Variants in SMURF2 observed in about 807,000 individuals in gnomAD.
SMURF2 encodes the protein E3 ubiquitin-protein ligase SMURF2.
In SMURF2, 48 loss-of-function variants were observed where a neutral mutation model predicts 109.6. That is an observed-to-expected ratio of 0.44 (90% CI 0.35 to 0.56). SMURF2 has a LOEUF of 0.56. SMURF2 is among the 20% of genes least tolerant of loss of function. The probability of loss-of-function intolerance (pLI) is 0.01; values close to 1 mark genes in which losing one functional copy is unlikely to be tolerated. For missense variants in SMURF2, 575 were observed against 909.0 expected, an observed-to-expected ratio of 0.63 and a Z score of 4.72; for synonymous variants, 288 against 317.1, an observed-to-expected ratio of 0.91 and a Z score of 0.97.
At chr17:64,589,359 G>A (rs1303089481) in intron 5 of SMURF2, among the ~76,000 whole-genome samples, 3 of 151,090 alleles carry the variant, frequency 2.0e-5, no homozygotes, top group Admixed American at 6.6e-5. Flanking sequence ...ACACTTACAT[G>A]TGAAAGTGTT....
chr17:64,574,141 T>A (rs1222272614), intron 9 of SMURF2, among the ~76,000 whole-genome samples: 1 of 152,000 alleles, frequency 6.6e-6, no homozygotes, highest in Non-Finnish European at 1.5e-5. Flanking sequence ...AAAAAAAAAA[T>A]TAAAATAAAA....
intron 2 of SMURF2, among the ~76,000 whole-genome samples, chr17:64,604,283 G>T (rs1555688847): frequency 6.6e-6 from 1 of 152,080 alleles, no homozygotes; most frequent in African/African-American, 2.4e-5. Flanking sequence ...AAGTTTTAAA[G>T]ATAATCACAC....
chr17:64,581,961 C>CA lies in SMURF2; in HGVS notation c.570-971dup, dbSNP rs200475573. Among the ~76,000 whole-genome samples, 1,311 of 124,324 alleles carry CA rather than the reference C, an allele frequency of 0.011. 6 individuals carry two copies. The highest frequency in any genetic ancestry group is 0.013 in the Non-Finnish European group (751 of 57,564). 81.6% of individuals were successfully genotyped at this position (124,324 alleles called of 152,430 possible). ...AGGCAATAGAGCGGGACTCCATCTC[C>CA]AAAAAAAAAAAAAAATTAACATTTA... On this transcript the variant is annotated intron_variant, in intron 7 of 18. Transcript: ENST00000262435. This position sits in a 1 kb window ranked among gnomAD's most constrained non-coding sequence, Gnocchi z 4.3.
chr17:64,591,789 T>A (rs1208713621), intron 4 of SMURF2, among the ~76,000 whole-genome samples: 1 of 152,238 alleles, frequency 6.6e-6, no homozygotes, highest in Non-Finnish European at 1.5e-5. Context: ...TACAACTGTA[T>A]GCCATCTGTC....
intron 9 of SMURF2, among the ~76,000 whole-genome samples, chr17:64,575,016 C>A (rs1969468723): frequency 6.6e-6 from 1 of 151,176 alleles, no homozygotes; most frequent in African/African-American, 2.4e-5. Flanking sequence ...TGACCTTCAA[C>A]TAGATAAACA....
At chr17:64,584,625 G>A (rs1374589747) in intron 6 of SMURF2, among the ~76,000 whole-genome samples, 1 of 152,052 alleles carries the variant, frequency 6.6e-6, no homozygotes, top group African/African-American at 2.4e-5. Flanking sequence ...CCAAAGTGCT[G>A]GGATTACAGG....
At position 64,566,020 on chromosome 17, in the gene SMURF2, CATA is replaced by C. The variant is rs1969295335; in HGVS notation, c.1017-3057_1017-3055del. On this transcript the variant is annotated intron_variant, in intron 10 of 18. Coordinates refer to ENST00000262435, the MANE Select transcript of SMURF2 (RefSeq NM_022739.4). Reference sequence around the variant, plus strand: ...TCCAAGAGAGAAAAACAATAAAAACCATAATAGATGTACCAAATAAGGTAATAC... The same window carrying C: ...TCCAAGAGAGAAAAACAATAAAAACCATAGATGTACCAAATAAGGTAATAC... Among the ~76,000 whole-genome samples the C allele has an allele frequency of 2.6e-5, 4 of 151,656 alleles. 1 individual carries two copies. In the South Asian group the frequency reaches 8.3e-4, roughly 31 times the overall value.
Position 64,662,027 on chromosome 17 carries a change from C to A in SMURF2, c.-147G>T, listed in dbSNP as rs1166538799. ...GGAGGGTCCCGGATGTGCCGAGAGT[C>A]GTCGCCATGAGCCGCGGAGGGAGCG... is the stretch of plus-strand genomic sequence containing the variant. On this transcript the variant is annotated 5_prime_UTR_variant, in exon 1 of 19. Coordinates refer to ENST00000262435, the MANE Select transcript of SMURF2 (RefSeq NM_022739.4). The A allele has an allele frequency of 6.3e-6, 7 of 1,115,140 alleles. No homozygotes were observed. In the Admixed American group the frequency reaches 1.5e-4, roughly 24 times the overall value. The allele number at this position is 1,115,140 out of a possible 1,614,324, so 69.1% of individuals were successfully genotyped here.
intron 1 of SMURF2, among the ~76,000 whole-genome samples, chr17:64,642,428 G>A (rs1269789452): frequency 6.6e-6 from 1 of 152,134 alleles, no homozygotes; most frequent in Non-Finnish European, 1.5e-5. Flanking sequence ...TGAGAGCCTT[G>A]CACTATATAA....
At chr17:64,657,539 A>AT (rs1970721166) in intron 1 of SMURF2, among the ~76,000 whole-genome samples, 1 of 151,632 alleles carries the variant, frequency 6.6e-6, no homozygotes, top group African/African-American at 2.4e-5. Flanking sequence ...TGGAAAAAAA[A>AT]AAAAAAGGTA....
At chr17:64,622,097 A>T (rs936814108) in intron 1 of SMURF2, among the ~76,000 whole-genome samples, 10 of 149,656 alleles carry the variant, frequency 6.7e-5, no homozygotes, top group South Asian at 6.4e-4. Context: ...TAATAAATTT[A>T]AAAAAATAAA....
intron 3 of SMURF2, among the ~76,000 whole-genome samples, chr17:64,595,364 A>ACCTTTTCTT (rs1555688021): frequency 1.3e-5 from 2 of 152,242 alleles, no homozygotes; most frequent in African/African-American, 4.8e-5. Flanking sequence ...TACATAGAGA[A>ACCTTTTCTT]GTACATGCTC....
At chr17:64,621,239 G>A (rs782249456) in intron 1 of SMURF2, among the ~76,000 whole-genome samples, 2 of 152,168 alleles carry the variant, frequency 1.3e-5, no homozygotes, top group Non-Finnish European at 2.9e-5. Flanking sequence ...CGCTCCATTT[G>A]AAAACACAGG....
chr17:64,542,353 A>G lies in SMURF2; in HGVS notation c.*3495T>C, dbSNP rs185447148. 2 of 152,358 alleles carry G rather than the reference A, an allele frequency of 1.3e-5. No individual in the cohort carries two copies. Among genetic ancestry groups the G allele is most frequent in the African/African-American group, 4.8e-5 (2 of 41,586 alleles). The allele number at this position is 152,358 out of a possible 1,614,324, so 9.4% of individuals were successfully genotyped here. Reference sequence around the variant, plus strand: ...TATTGCTCGACTTCGGCATGGGCACATACATAGTTAATTTTTAAAAACCAT... The same window carrying G: ...TATTGCTCGACTTCGGCATGGGCACGTACATAGTTAATTTTTAAAAACCAT... On this transcript the variant is annotated 3_prime_UTR_variant, in exon 19 of 19. Coordinates refer to ENST00000262435, the MANE Select transcript of SMURF2 (RefSeq NM_022739.4).
At chr17:64,627,450 A>G (rs1447505200) in intron 1 of SMURF2, among the ~76,000 whole-genome samples, 1 of 152,160 alleles carries the variant, frequency 6.6e-6, no homozygotes, top group Non-Finnish European at 1.5e-5. Context: ...TTTGCTAAAC[A>G]TTGTTAGATA....
At chr17:64,633,460 C>T (rs1970375038) in intron 1 of SMURF2, among the ~76,000 whole-genome samples, 1 of 152,218 alleles carries the variant, frequency 6.6e-6, no homozygotes, top group Non-Finnish European at 1.5e-5. Context: ...GGTATCATTC[C>T]ATCCCAGGTG....
At chr17:64,555,388 C>T (rs138671886) in intron 14 of SMURF2, among the ~76,000 whole-genome samples, 156 of 152,330 alleles carry the variant, frequency 1.0e-3, no homozygotes, top group African/African-American at 3.6e-3. Context: ...AGTGTATCTT[C>T]ACAAAATAAT....
intron 16 of SMURF2, 92 bp downstream of exon 16, chr17:64,551,492 C>T: frequency 1.5e-6 from 2 of 1,364,586 alleles, no homozygotes; most frequent in South Asian, 2.7e-5. Context: ...TTAGAAAGCA[C>T]CAGAAATATG....
At chr17:64,624,031 T>C (rs1336707128) in intron 1 of SMURF2, among the ~76,000 whole-genome samples, 7 of 152,224 alleles carry the variant, frequency 4.6e-5, no homozygotes, top group African/African-American at 1.7e-4. Flanking sequence ...TAAACAACTT[T>C]ATGATATAAT....
Sources: gnomAD v4.1 joint callset for allele counts (sites outside exome capture counted in the v4.1 genomes callset) on GRCh38, gnomAD v4.1.1 for gene constraint, Gnocchi (gnomAD v3.1) non-coding constraint, MANE v1.5 for transcripts, NCBI Gene and HGNC (gene_info 2026-07-23, HGNC 2026-07-21) for gene names.